Variants in BUB3 observed in about 807,000 individuals in gnomAD.
BUB3 encodes the protein BUB3 mitotic checkpoint protein.
In BUB3, 22 loss-of-function variants were observed where a neutral mutation model predicts 39.9. The observed-to-expected ratio is 0.55, with a 90% CI of 0.39 to 0.79. The LOEUF is 0.79. BUB3 is among the 30% of genes least tolerant of loss of function. The pLI, the probability that BUB3 is intolerant of heterozygous loss-of-function variation, is 0.00. For missense variants in BUB3, 303 were observed against 415.4 expected, an observed-to-expected ratio of 0.73 and a Z score of 2.35; for synonymous variants, 168 against 155.1, an observed-to-expected ratio of 1.08 and a Z score of -0.62.
rs1844435706 is a variant in BUB3 at position 123,162,324 on chromosome 10, A to G, written c.665A>G (p.Lys222Arg). Residue 222 changes from lysine to arginine, a missense_variant, in exon 6 of 8, where the codon AAA becomes AGA. By Grantham distance (26) the Lys-to-Arg change is conservative. Coordinates refer to ENST00000368865, the MANE Select transcript of BUB3 (RefSeq NM_004725.4). ...GTACAGAAGAAGAAGTATGCCTTCA[A>G]ATGTCACAGACTAAAAGAAAATAAT... ...PEVQKKKYAF[K>R]CHRLKENNIE... 5.0e-6 allele frequency: 8 copies of G among 1,614,048 alleles called. No homozygotes were observed. Among genetic ancestry groups the G allele is most frequent in the Admixed American group, 1.7e-5 (1 of 60,014 alleles).
Position 123,166,890 on chromosome 10 carries a change from G to C in BUB3, c.*3055G>C, listed in dbSNP as rs1484901669. 6.6e-6 allele frequency: 1 copy of C among 152,204 alleles called. No homozygotes were observed. The allele number at this position is 152,204 out of a possible 1,614,324, so 9.4% of individuals were successfully genotyped here. A position where few individuals can be genotyped will look rare whatever the true frequency, so the allele number is the denominator to read the frequency against. The stretch of plus-strand genomic sequence containing the variant: ...ATCCAGGCCTTGTTAGAAGGACCAA[G>C]GCCAGAATGCCCAGTTTAGCCTTAG... On this transcript the variant is annotated 3_prime_UTR_variant, in exon 8 of 8. Coordinates refer to ENST00000368865, the MANE Select transcript of BUB3 (RefSeq NM_004725.4).
rs527677697 is a variant in BUB3 at position 123,154,466 on chromosome 10, G to A, written c.-20G>A. 6.4e-6 allele frequency: 1 copy of A among 156,200 alleles called. No individual in the cohort carries two copies. Among genetic ancestry groups the A allele is most frequent in the South Asian group, 1.9e-4 (1 of 5,348 alleles). The allele number at this position is 156,200 out of a possible 1,614,324, so 9.7% of individuals were successfully genotyped here. A position where few individuals can be genotyped will look rare whatever the true frequency, so the allele number is the denominator to read the frequency against. ...GCGAGTGGCGAGTAGTGGAAACGTT[G>A]CTTCTGAGGGGAGCCCAAGGTAGGG... On this transcript the variant is annotated 5_prime_UTR_variant, in exon 1 of 8. Coordinates refer to ENST00000368865, the MANE Select transcript of BUB3 (RefSeq NM_004725.4).
intron 4 of BUB3, among the ~76,000 whole-genome samples, chr10:123,158,205 G>GA (rs1844375012): frequency 6.6e-6 from 1 of 152,082 alleles, no homozygotes; most frequent in East Asian, 1.9e-4. Flanking sequence ...GTCTTAAATT[G>GA]ACGCTCCATC....
Position 123,162,636 on chromosome 10 carries a change from T to A in BUB3, c.779T>A (p.Ile260Asn). The A allele has an allele frequency of 6.2e-7, 1 of 1,601,386 alleles. No individual in the cohort carries two copies. ...ATGGSDGFVN[I>N]WDPFNKKRLC... ...GGTGGTTCTGATGGCTTTGTAAATA[T>A]TTGGGATCCATTTAACAAAAAGCGA... Residue 260 changes from isoleucine (I) to asparagine (N), a missense_variant, in exon 7 of 8, where the codon ATT becomes AAT. By Grantham distance (149) the Ile-to-Asn change is moderately radical (BLOSUM62 -3). This residue lies in a region of BUB3 where 182 missense variants were observed against 293.1 expected (regional missense o/e 0.62). Transcript: ENST00000368865.
At position 123,154,932 on chromosome 10, in the gene BUB3, C is replaced by T. The variant is rs762682194; in HGVS notation, c.15C>T (p.Asn5=). 1.9e-6 allele frequency: 3 copies of T among 1,613,678 alleles called. No homozygotes were observed. Among genetic ancestry groups the T allele is most frequent in the Non-Finnish European group, 2.5e-6 (3 of 1,179,784 alleles). ...CTGTTCTGCAGATGACCGGTTCTAA[C>T]GAGTTCAAGCTGAACCAGCCACCCG... is the stretch of plus-strand genomic sequence containing the variant. MTGS[N]EFKLNQPPED... The change falls in exon 2 of 8, where the codon AAC becomes AAT. Residue 5 remains asparagine, a synonymous_variant. Coordinates refer to ENST00000368865, the MANE Select transcript of BUB3 (RefSeq NM_004725.4).
chr10:123,164,630 T>A lies in BUB3; in HGVS notation c.*795T>A. On this transcript the variant is annotated 3_prime_UTR_variant, in exon 8 of 8. Transcript: ENST00000368865. Reference sequence around the variant, plus strand: ...ACAGGCATCTATTTGGACCTGTTTCTATCTCTAAATGAATTTTTGGAAACA... The same window carrying A: ...ACAGGCATCTATTTGGACCTGTTTCAATCTCTAAATGAATTTTTGGAAACA... The A allele has an allele frequency of 2.0e-6, 2 of 993,074 alleles. No individual in the cohort carries two copies. The highest frequency in any genetic ancestry group is 2.4e-6 in the Non-Finnish European group (2 of 834,884). 61.5% of individuals were successfully genotyped at this position (993,074 alleles called of 1,614,324 possible).
intron 3 of BUB3, among the ~76,000 whole-genome samples, chr10:123,156,918 A>G (rs1259508689): frequency 6.6e-6 from 1 of 151,704 alleles, no homozygotes; most frequent in Non-Finnish European, 1.5e-5. Flanking sequence ...TAATTTTTGT[A>G]TTTTTTAGTA....
At position 123,160,583 on chromosome 10, in the gene BUB3, C is replaced by A; in HGVS notation, c.576+18C>A. 1 of 1,520,060 alleles carries A rather than the reference C, an allele frequency of 6.6e-7. No individual in the cohort carries two copies. The highest frequency in any genetic ancestry group is 8.8e-7 in the Non-Finnish European group (1 of 1,134,620). 94.2% of individuals were successfully genotyped at this position (1,520,060 alleles called of 1,614,324 possible). A position where few individuals can be genotyped will look rare whatever the true frequency, so the allele number is the denominator to read the frequency against. ...ACAAGCAGGTATTGAACTATACCTC[C>A]TCTTCTTTCTGGAATTTGAAAATAA... On this transcript the variant is annotated intron_variant, in intron 5 of 7. Transcript: ENST00000368865.
chr10:123,164,450 C>T lies in BUB3; in HGVS notation c.*615C>T, dbSNP rs1293463949. On this transcript the variant is annotated 3_prime_UTR_variant, in exon 8 of 8. Transcript: ENST00000368865. ...TGCAGAAGGAAAACTAATAAGAAAA[C>T]CTCCTAATATCATTTTGTGACTGTA... 8 of 985,564 alleles carry T rather than the reference C, an allele frequency of 8.1e-6. No homozygotes were observed. The highest frequency in any genetic ancestry group is 8.4e-6 in the Non-Finnish European group (7 of 830,080). The allele number at this position is 985,564 out of a possible 1,614,324, so 61.1% of individuals were successfully genotyped here.
At chr10:123,157,136 G>A (rs1459845668) in intron 3 of BUB3, among the ~76,000 whole-genome samples, 1 of 152,158 alleles carries the variant, frequency 6.6e-6, no homozygotes, top group Admixed American at 6.5e-5. Flanking sequence ...TAGTGAGAAG[G>A]TTCAAATTGA....
chr10:123,160,480 T>TA lies in BUB3; in HGVS notation c.492dup (p.Arg165ThrfsTer36). ...GGCCGCAGAGTGTTGGTGTGGGACT[T>TA]ACGGAACATGGGTTACGTGCAGCAG... On this transcript the variant is annotated frameshift_variant, in exon 5 of 8. Coordinates refer to ENST00000368865, the MANE Select transcript of BUB3 (RefSeq NM_004725.4). LOFTEE classifies it high-confidence loss of function. The TA allele has an allele frequency of 6.2e-7, 1 of 1,613,552 alleles. No individual in the cohort carries two copies. The highest frequency in any genetic ancestry group is 8.5e-7 in the Non-Finnish European group (1 of 1,179,956).
Position 123,164,935 on chromosome 10 carries a change from A to AT in BUB3, c.*1108dup, listed in dbSNP as rs1341578544. 32 of 1,478,690 alleles carry AT rather than the reference A, an allele frequency of 2.2e-5. No individual in the cohort carries two copies. The highest frequency in any genetic ancestry group is 1.2e-4 in the South Asian group (9 of 72,044). 91.6% of individuals were successfully genotyped at this position (1,478,690 alleles called of 1,614,324 possible). A position where few individuals can be genotyped will look rare whatever the true frequency, so the allele number is the denominator to read the frequency against. ...CTGAGATTTATTTTATCCGTGATGT[A>AT]TTTTTTTTAATTCTTTTGATACAGA... On this transcript the variant is annotated 3_prime_UTR_variant, in exon 8 of 8. Coordinates refer to ENST00000368865, the MANE Select transcript of BUB3 (RefSeq NM_004725.4).
rs1844514984 is a variant in BUB3 at position 123,168,417 on chromosome 10, A to G, written c.*4582A>G. 6.6e-6 allele frequency: 1 copy of G among 152,264 alleles called. No individual in the cohort carries two copies. The highest frequency in any genetic ancestry group is 1.5e-5 in the Non-Finnish European group (1 of 68,048). 9.4% of individuals were successfully genotyped at this position (152,264 alleles called of 1,614,324 possible). On this transcript the variant is annotated 3_prime_UTR_variant, in exon 8 of 8. Transcript: ENST00000368865. Reference sequence around the variant, plus strand: ...GGTGTCCACTTTGAGGGGGATGCCCATAGCTATACTTAGAAGTCATCCTCT... The same window carrying G: ...GGTGTCCACTTTGAGGGGGATGCCCGTAGCTATACTTAGAAGTCATCCTCT...
rs1193719135 is a variant in BUB3, at chr10:123,162,416, A to G, written c.754+3A>G. ...TATCCACAATACATTTGCCACAGGT[A>G]AAGTATGGCATGCTGACCTATATTT... On this transcript the variant is annotated splice_donor_region_variant and intron_variant, in intron 6 of 7. Transcript: ENST00000368865. 1.5e-5 allele frequency: 24 copies of G among 1,612,976 alleles called. No homozygotes were observed. Among genetic ancestry groups the G allele is most frequent in the Non-Finnish European group, 2.0e-5 (24 of 1,179,360 alleles).
Position 123,162,751 on chromosome 10 carries a change from G to A in BUB3, c.894G>A (p.Met298Ile), listed in dbSNP as rs1437781900. Residue 298 changes from methionine (M) to isoleucine (I), a missense_variant, in exon 7 of 8, where the codon ATG (methionine) becomes ATA (isoleucine). By Grantham distance (10) the Met-to-Ile change is conservative. This residue lies in a region of BUB3 where 182 missense variants were observed against 293.1 expected (regional missense o/e 0.62). Coordinates refer to ENST00000368865, the MANE Select transcript of BUB3 (RefSeq NM_004725.4). ...GTTLAIASSY[M>I]YEMDDTEHPE... ...CGCTTGCAATAGCGTCATCATATAT[G>A]TATGAAATGGATGACACAGAACATC... The A allele has an allele frequency of 6.2e-7, 1 of 1,613,886 alleles. No individual in the cohort carries two copies. The highest frequency in any genetic ancestry group is 8.5e-7 in the Non-Finnish European group (1 of 1,179,974).
intron 4 of BUB3, among the ~76,000 whole-genome samples, chr10:123,159,731 A>G (rs1844396369): frequency 6.6e-6 from 1 of 152,236 alleles, no homozygotes; most frequent in Admixed American, 6.5e-5. Flanking sequence ...TTGAACTTCT[A>G]TCTTGAATGC....
At position 123,167,869 on chromosome 10, in the gene BUB3, G is replaced by A. The variant is rs1171033294; in HGVS notation, c.*4034G>A. The A allele has an allele frequency of 1.3e-5, 2 of 152,062 alleles. No homozygotes were observed. The highest frequency in any genetic ancestry group is 2.9e-5 in the Non-Finnish European group (2 of 68,024). 9.4% of individuals were successfully genotyped at this position (152,062 alleles called of 1,614,324 possible). ...ATTGTGAAATGATTACCACAAGGAG[G>A]TTACTAAACATCTCCATCACCTTGT... On this transcript the variant is annotated 3_prime_UTR_variant, in exon 8 of 8. Transcript: ENST00000368865.
At chr10:123,155,802 T>A (rs1844342121) in intron 3 of BUB3, 75 bp downstream of exon 3, 1 of 1,414,132 alleles carries the variant, frequency 7.1e-7, no homozygotes, top group African/African-American at 1.4e-5. Context: ...GTAGGAAGAG[T>A]GGTTCCTAAA....
At position 123,159,574 on chromosome 10, in the gene BUB3, A is replaced by G. The variant is rs140766924; in HGVS notation, c.418-833A>G. Reference sequence around the variant, plus strand: ...CTCTGTTTTGTTTCCAAGTAACACTATATTTGCAAATAAACCACTAAATGT... The same window carrying G: ...CTCTGTTTTGTTTCCAAGTAACACTGTATTTGCAAATAAACCACTAAATGT... On this transcript the variant is annotated intron_variant, in intron 4 of 7. Coordinates refer to ENST00000368865, the MANE Select transcript of BUB3 (RefSeq NM_004725.4). Among the ~76,000 whole-genome samples, 43 of 152,314 alleles carry G rather than the reference A, an allele frequency of 2.8e-4. No individual in the cohort carries two copies. The East Asian group carries it at 4.2e-3, about 15-fold the overall frequency.
Sources: allele counts gnomAD v4.1 joint callset (sites outside exome capture counted in the v4.1 genomes callset), GRCh38; gene constraint gnomAD v4.1.1; regional missense constraint gnomAD v4.1.1; transcripts MANE v1.5; gene names NCBI Gene and HGNC (gene_info 2026-07-23, HGNC 2026-07-21).